The following THSD7A variants were observed in gnomAD, a reference collection of about 807,000 sequenced individuals.
THSD7A encodes thrombospondin type 1 domain containing 7A.
In THSD7A, 96 loss-of-function variants were observed where a neutral mutation model predicts 231.3. The ratio of observed to expected loss-of-function variants is 0.41; its 90% CI spans 0.35 to 0.49. THSD7A has a LOEUF of 0.49. THSD7A is among the 20% of genes least tolerant of loss of function. The probability of loss-of-function intolerance (pLI) is 0.05; values close to 1 mark genes in which losing one functional copy is unlikely to be tolerated. For missense variants in THSD7A, 2,290 were observed against 2,070.2 expected, an observed-to-expected ratio of 1.11 and a Z score of -2.06; for synonymous variants, 940 against 743.3, an observed-to-expected ratio of 1.26 and a Z score of -4.30.
intron 1 of THSD7A, among the ~76,000 whole-genome samples, chr7:11,703,949 T>C (rs1250381766): frequency 6.6e-6 from 1 of 151,186 alleles, no homozygotes; most frequent in East Asian, 2.0e-4. Flanking sequence ...TGGGGTATAA[T>C]TGGCAACAGA....
At chr7:11,785,928 T>C (rs1405394104) in intron 1 of THSD7A, among the ~76,000 whole-genome samples, 2 of 152,168 alleles carry the variant, frequency 1.3e-5, no homozygotes, top group East Asian at 3.8e-4. Flanking sequence ...ATTTTTAAGA[T>C]ATTTCTTTGC....
chr7:11,750,267 G>T (rs1782454650), intron 1 of THSD7A, among the ~76,000 whole-genome samples: 1 of 151,840 alleles, frequency 6.6e-6, no homozygotes, highest in South Asian at 2.1e-4. Context: ...GATTGATTCT[G>T]CTGTATGTTA....
intron 2 of THSD7A, among the ~76,000 whole-genome samples, chr7:11,599,077 G>A (rs192877068): frequency 8.5e-5 from 13 of 152,256 alleles, no homozygotes; most frequent in Admixed American, 2.6e-4. Context: ...CCATTAGGGC[G>A]TCCCTTAGTA....
At chr7:11,707,768 T>A (rs1331920493) in intron 1 of THSD7A, among the ~76,000 whole-genome samples, 1 of 150,934 alleles carries the variant, frequency 6.6e-6, no homozygotes, top group African/African-American at 2.4e-5. Context: ...TCAATGCTTA[T>A]GTGATATTCC....
At chr7:11,783,113 T>C (rs1312659950) in intron 1 of THSD7A, among the ~76,000 whole-genome samples, 5 of 152,114 alleles carry the variant, frequency 3.3e-5, no homozygotes, top group East Asian at 1.9e-4. Flanking sequence ...AGCAATAACA[T>C]TGATAACCAC....
chr7:11,688,333 G>C (rs1780126072), intron 1 of THSD7A, among the ~76,000 whole-genome samples: 1 of 151,820 alleles, frequency 6.6e-6, no homozygotes, highest in South Asian at 2.1e-4. Flanking sequence ...CCAGTTACTG[G>C]GAATTTCTAG....
intron 1 of THSD7A, among the ~76,000 whole-genome samples, chr7:11,799,209 C>T (rs1260664737): frequency 6.6e-6 from 1 of 152,164 alleles, no homozygotes; most frequent in Non-Finnish European, 1.5e-5. Flanking sequence ...GCATGAGCCA[C>T]CGCGCCCGGC....
chr7:11,769,153 A>ATATTTTTTTTTTTTT, intron 1 of THSD7A, among the ~76,000 whole-genome samples: 5 of 27,648 alleles, frequency 1.8e-4, no homozygotes, highest in African/African-American at 2.5e-4. Flanking sequence ...ATATATATAT[A>ATATTTTTTTTTTTTT]TTTTTTTTTT....
At chr7:11,469,426 T>C (rs990169669) in intron 9 of THSD7A, among the ~76,000 whole-genome samples, 6 of 152,130 alleles carry the variant, frequency 3.9e-5, no homozygotes, top group Non-Finnish European at 1.5e-5. Flanking sequence ...GAGAAACAAT[T>C]TGGCCATTTT....
At chr7:11,633,743 G>T (rs1451777167) in intron 2 of THSD7A, among the ~76,000 whole-genome samples, 1 of 152,188 alleles carries the variant, frequency 6.6e-6, no homozygotes, top group East Asian at 1.9e-4. Flanking sequence ...AAAGTGGAAA[G>T]CAGGGCAGAT....
chr7:11,469,134 G>A (rs911131338), intron 9 of THSD7A, among the ~76,000 whole-genome samples: 63 of 152,166 alleles, frequency 4.1e-4, no homozygotes, highest in East Asian at 1.9e-3. Flanking sequence ...AGGAAATTTA[G>A]AAAAAATTAT....
At chr7:11,745,834 T>C (rs527825758) in intron 1 of THSD7A, among the ~76,000 whole-genome samples, 50 of 152,120 alleles carry the variant, frequency 3.3e-4, no homozygotes, top group Non-Finnish European at 5.7e-4. Flanking sequence ...ACCATGCTGT[T>C]TTGGTTACTG....
At chr7:11,581,235 C>T (rs1485129463) in intron 4 of THSD7A, among the ~76,000 whole-genome samples, 1 of 151,842 alleles carries the variant, frequency 6.6e-6, no homozygotes, top group Non-Finnish European at 1.5e-5. Flanking sequence ...TAATAGTGGG[C>T]ATTTGGGACT....
intron 1 of THSD7A, among the ~76,000 whole-genome samples, chr7:11,715,159 T>C (rs1321635945): frequency 6.6e-6 from 1 of 151,450 alleles, no homozygotes; most frequent in African/African-American, 2.4e-5. Flanking sequence ...ATAATTATAC[T>C]GAAGTTTACC....
chr7:11,436,790 T>C (rs1265196901), intron 13 of THSD7A, among the ~76,000 whole-genome samples: 2 of 151,980 alleles, frequency 1.3e-5, no homozygotes, highest in African/African-American at 2.4e-5. Context: ...TTATTTTATA[T>C]TTTACAGGTC....
At chr7:11,686,014 C>G (rs1221438456) in intron 1 of THSD7A, among the ~76,000 whole-genome samples, 1 of 151,868 alleles carries the variant, frequency 6.6e-6, no homozygotes, top group Non-Finnish European at 1.5e-5. Flanking sequence ...TACATATACA[C>G]CATGGAATAC....
chr7:11,747,532 A>G (rs575384124), intron 1 of THSD7A, among the ~76,000 whole-genome samples: 1 of 152,086 alleles, frequency 6.6e-6, no homozygotes, highest in African/African-American at 2.4e-5. Flanking sequence ...TTATTCATTT[A>G]TTCTTTTATA....
intron 1 of THSD7A, among the ~76,000 whole-genome samples, chr7:11,824,162 T>C (rs1288264127): frequency 6.6e-6 from 1 of 152,102 alleles, no homozygotes; most frequent in Non-Finnish European, 1.5e-5. Flanking sequence ...GCACTGTCTC[T>C]TGTATTAGGA....
At chr7:11,687,181 T>G (rs937789129) in intron 1 of THSD7A, among the ~76,000 whole-genome samples, 8 of 151,942 alleles carry the variant, frequency 5.3e-5, no homozygotes, top group Non-Finnish European at 1.5e-5. Context: ...TGCCTCACCT[T>G]GGTTCTGGCC....
Sources: gnomAD v4.1 joint callset for allele counts (sites outside exome capture counted in the v4.1 genomes callset) on GRCh38, gnomAD v4.1.1 for gene constraint, MANE v1.5 for transcripts, NCBI Gene and HGNC (gene_info 2026-07-23, HGNC 2026-07-21) for gene names.